Variants in DNAH2 observed in about 807,000 individuals in gnomAD.
DNAH2 encodes the protein dynein axonemal heavy chain 2, also known as axonemal beta dynein heavy chain 2.
Under a neutral mutation model 523.5 loss-of-function variants are expected in DNAH2, and 323 were observed. The ratio of observed to expected loss-of-function variants is 0.62; its 90% CI spans 0.56 to 0.68. The LOEUF (loss-of-function observed/expected upper bound fraction) is 0.68. Ranked by LOEUF, DNAH2 falls within the 30% of genes least tolerant of loss-of-function variation. The probability of loss-of-function intolerance (pLI) is 0.00; values close to 1 mark genes in which losing one functional copy is unlikely to be tolerated. For synonymous variants in DNAH2, 2,093 were observed against 2,177.4 expected, an observed-to-expected ratio of 0.96 and a Z score of 1.08; for missense variants, 4,907 against 5,701.5, an observed-to-expected ratio of 0.86 and a Z score of 4.49.
rs368233082 is a variant in DNAH2 at position 7,824,885 on chromosome 17, CAAT to C, written c.11853+164_11853+166del. 1.8e-4 allele frequency among the ~76,000 whole-genome samples: 28 copies of C among 152,286 alleles called. No homozygotes were observed. The East Asian group carries it at 5.4e-3, about 29-fold the overall frequency. Reference sequence around the variant, plus strand: ...CTGTTTGTGCCAAACTCCTAGAACACAATAATAAGAGCTAACATTTCTTGAGTG... The same window carrying C: ...CTGTTTGTGCCAAACTCCTAGAACACAATAAGAGCTAACATTTCTTGAGTG... On this transcript the variant is annotated intron_variant, in intron 77 of 85. Transcript: ENST00000572933.
At chr17:7,809,975 C>T (rs1448099337) in intron 63 of DNAH2, among the ~76,000 whole-genome samples, 1 of 151,964 alleles carries the variant, frequency 6.6e-6, no homozygotes, top group African/African-American at 2.4e-5. Flanking sequence ...AGGTGTGAGC[C>T]ACCGTGCCCC....
chr17:7,805,431 C>T, intron 61 of DNAH2, 38 bp downstream of exon 61: 1 of 1,613,066 alleles, frequency 6.2e-7, no homozygotes, highest in Middle Eastern at 1.7e-4. Context: ...CTTCCACTCA[C>T]CCAGTGTTTA....
At chr17:7,742,880 G>GTATCATT in intron 11 of DNAH2, 48 bp from the exon 12 acceptor site, 1 of 1,271,334 alleles carries the variant, frequency 7.9e-7, no homozygotes, top group Non-Finnish European at 1.0e-6. Flanking sequence ...GTGGCCCCTG[G>GTATCATT]AGGAAGGTGG....
In DNAH2 at chr17:7,718,295, C is replaced by T. The variant is rs1026197646; in HGVS notation, c.-519C>T. The T allele has an allele frequency of 2.0e-5, 3 of 152,130 alleles. No homozygotes were observed. Among genetic ancestry groups the T allele is most frequent in the South Asian group, 2.1e-4 (1 of 4,824 alleles). The allele number at this position is 152,130 out of a possible 1,614,324, so 9.4% of individuals were successfully genotyped here. ...TTCTCTGGAGACTGATGGAGGAAGC[C>T]TCCTTGCTGTAGTTGGTTTTATTGA... On this transcript the variant is annotated 5_prime_UTR_variant, in exon 1 of 86. Transcript: ENST00000572933.
chr17:7,727,014 C>G, intron 3 of DNAH2, 108 bp from the exon 4 acceptor site: 1 of 1,242,606 alleles, frequency 8.0e-7, no homozygotes, highest in Non-Finnish European at 1.1e-6. Flanking sequence ...CCATTCTGAA[C>G]CTGTCTGGCT....
intron 63 of DNAH2, among the ~76,000 whole-genome samples, chr17:7,812,364 T>A (rs980335864): frequency 2.6e-5 from 4 of 152,164 alleles, no homozygotes; most frequent in Non-Finnish European, 4.4e-5. Context: ...ATGCCTGTGA[T>A]CCTAGCTCTT....
chr17:7,739,645 T>G lies in DNAH2; in HGVS notation c.1171-88T>G, dbSNP rs1282807137. 8.8e-6 allele frequency: 11 copies of G among 1,255,026 alleles called. No individual in the cohort carries two copies. In the South Asian group the frequency reaches 1.4e-4, roughly 16 times the overall value. 77.7% of individuals were successfully genotyped at this position (1,255,026 alleles called of 1,614,324 possible). ...TCACTTGCCATCACTCACAGTGATG[T>G]TTTTAGACATTTGAAGCTAAACCAA... On this transcript the variant is annotated intron_variant, in intron 8 of 85. Transcript: ENST00000572933.
chr17:7,801,652 C>A lies in DNAH2; in HGVS notation c.8774C>A (p.Ala2925Asp). ...TGGTTCTCAGAGTGGCCCCAAGAGG[C>A]CCTGCTCGAGGTGGCTGAGAAGTGC... ...INWFSEWPQE[A>D]LLEVAEKCLI... The change falls in exon 57 of 86, where the codon GCC (alanine) becomes GAC (aspartate). Residue 2925 changes from alanine to aspartate, a missense_variant. Coordinates refer to ENST00000572933, the MANE Select transcript of DNAH2 (RefSeq NM_020877.5). The A allele has an allele frequency of 6.2e-7, 1 of 1,614,144 alleles. No homozygotes were observed.
chr17:7,803,740 T>C (rs1342181107), intron 58 of DNAH2, among the ~76,000 whole-genome samples: 1 of 151,686 alleles, frequency 6.6e-6, no homozygotes, highest in African/African-American at 2.4e-5. Flanking sequence ...GTTGGGAGGC[T>C]GAGGTGGGAG....
chr17:7,760,978 C>A lies in DNAH2; in HGVS notation c.2978+46C>A. 6.2e-7 allele frequency: 1 copy of A among 1,603,526 alleles called. No homozygotes were observed. Among genetic ancestry groups the A allele is most frequent in the South Asian group, 1.1e-5 (1 of 89,268 alleles). ...GAAAGTCTGTCTGTAGGAGGCACAG[C>A]ACTGCAGGAGGAGCCCAGGCCTAGA... On this transcript the variant is annotated intron_variant, in intron 18 of 85. Coordinates refer to ENST00000572933, the MANE Select transcript of DNAH2 (RefSeq NM_020877.5). This position sits in a 1 kb window ranked among gnomAD's most constrained non-coding sequence, Gnocchi z 4.0.
chr17:7,817,597 G>A lies in DNAH2; in HGVS notation c.10057G>A (p.Ala3353Thr), dbSNP rs377451508. 2.5e-5 allele frequency: 40 copies of A among 1,613,964 alleles called. No individual in the cohort carries two copies. The highest frequency in any genetic ancestry group is 3.0e-5 in the Non-Finnish European group (35 of 1,180,018). ...ELQVPCSPSF[A>T]IDNFLCNPTK... ...TCAGGTTCCTTGCTCCCCTTCTTTC[G>A]CCATCGATAACTTCCTGTGCAATCC... The change falls in exon 66 of 86, where the codon GCC (alanine) becomes ACC (threonine). Residue 3353 changes from alanine (A) to threonine (T), a missense_variant. Coordinates refer to ENST00000572933, the MANE Select transcript of DNAH2 (RefSeq NM_020877.5).
Position 7,778,169 on chromosome 17 carries a change from C to A in DNAH2, c.5340C>A (p.Pro1780=). ...LGNSGRLVIT[P]LTDRCYMTLT... is the part of the protein sequence containing the mutation. ...ACTCGGGCCGGCTCGTCATCACCCC[C>A]CTGACGGACAGGTCTGCCATGTGGG... Residue 1780 remains proline, a synonymous_variant, in exon 34 of 86, where the codon CCC becomes CCA. Transcript: ENST00000572933. 1.2e-6 allele frequency: 2 copies of A among 1,614,236 alleles called. No individual in the cohort carries two copies. Among genetic ancestry groups the A allele is most frequent in the East Asian group, 4.5e-5 (2 of 44,890 alleles).
intron 2 of DNAH2, among the ~76,000 whole-genome samples, chr17:7,722,191 G>T (rs1007880239): frequency 1.7e-4 from 17 of 99,612 alleles, no homozygotes; most frequent in African/African-American, 4.4e-4. Flanking sequence ...TAGAGACGGG[G>T]GGGGGGGTTC....
At chr17:7,740,073 G>GA in intron 9 of DNAH2, 135 bp downstream of exon 9, 1 of 616,656 alleles carries the variant, frequency 1.6e-6, no homozygotes, top group South Asian at 1.9e-5. Flanking sequence ...GCCCGGGGGG[G>GA]GGGACAGGAG....
At position 7,780,176 on chromosome 17, in the gene DNAH2, G is replaced by A; in HGVS notation, c.5742G>A (p.Glu1914=). 6.2e-7 allele frequency: 1 copy of A among 1,613,802 alleles called. No individual in the cohort carries two copies. The highest frequency in any genetic ancestry group is 2.2e-5 in the East Asian group (1 of 44,874). Residue 1914 remains glutamate (E), a synonymous_variant, in exon 37 of 86, where the codon GAG becomes GAA. Coordinates refer to ENST00000572933, the MANE Select transcript of DNAH2 (RefSeq NM_020877.5). The surrounding 1 kb of genome is among the most constrained non-coding windows in gnomAD (Gnocchi z 4.4). The part of the protein sequence containing the change: ...TMNPGYAGRT[E]LPENLKSMFR... ...TTCCAGGCTATGCTGGCCGCACAGAGCTTCCCGAAAATCTTAAATCCATGT... is the reference window on the plus strand; with the variant it reads ...TTCCAGGCTATGCTGGCCGCACAGAACTTCCCGAAAATCTTAAATCCATGT...
At chr17:7,787,212 G>T in intron 42 of DNAH2, 179 bp downstream of exon 42, 1 of 792,920 alleles carries the variant, frequency 1.3e-6, no homozygotes, top group Non-Finnish European at 2.0e-6. Flanking sequence ...TGCTTGCCGC[G>T]GCTGTTGAGA....
At chr17:7,824,442 C>T (rs1349049225) in intron 76 of DNAH2, 95 bp from the exon 77 acceptor site, 3 of 1,364,066 alleles carry the variant, frequency 2.2e-6, no homozygotes, top group Admixed American at 6.1e-5. Context: ...TAGTGTTAGG[C>T]CCCCCCAGCA....
At position 7,817,221 on chromosome 17, in the gene DNAH2, C is replaced by G. The variant is rs896098458; in HGVS notation, c.9895-69C>G. On this transcript the variant is annotated intron_variant, in intron 64 of 85. Coordinates refer to ENST00000572933, the MANE Select transcript of DNAH2 (RefSeq NM_020877.5). ...GACAGTGTCCAGAAGAGGGTGCCTT[C>G]AAAAGCATTCCAAGTGTCTCCCAGA... 52 of 1,544,192 alleles carry G rather than the reference C, an allele frequency of 3.4e-5. 1 individual carries two copies. The highest frequency in any genetic ancestry group is 2.2e-4 in the Middle Eastern group (1 of 4,568).
chr17:7,748,125 A>T (rs1046390588), intron 12 of DNAH2, among the ~76,000 whole-genome samples: 7 of 152,226 alleles, frequency 4.6e-5, no homozygotes. Flanking sequence ...TATATCCCAA[A>T]TATTTGAACT....
Sources: gnomAD v4.1 joint callset for allele counts (sites outside exome capture counted in the v4.1 genomes callset) on GRCh38, gnomAD v4.1.1 for gene constraint, Gnocchi (gnomAD v3.1) non-coding constraint, MANE v1.5 for transcripts, NCBI Gene and HGNC (gene_info 2026-07-23, HGNC 2026-07-21) for gene names.